DHCR7: variants seen among roughly 807,000 people sequenced by gnomAD.
DHCR7 encodes the protein 7-dehydrocholesterol reductase.
In DHCR7, 40 loss-of-function variants were observed where a neutral mutation model predicts 43.3. The observed-to-expected ratio is 0.92, with a 90% CI of 0.72 to 1.20. The LOEUF (loss-of-function observed/expected upper bound fraction) is 1.20. DHCR7 is among the 50% of genes most tolerant of loss of function. The pLI, the probability that DHCR7 is intolerant of heterozygous loss-of-function variation, is 0.00. For missense variants in DHCR7, 608 were observed against 644.6 expected (o/e 0.94, Z 0.62); for synonymous variants, 298 against 271.4 (o/e 1.10, Z -0.96).
chr11:71,429,000 G>C (rs1387424448), intron 2 of DHCR7: 1 of 361,498 alleles, frequency 2.8e-6, no homozygotes, highest in Non-Finnish European at 5.4e-6. Flanking sequence ...TCAGGGGTAG[G>C]AAGAAGTGAG....
intron 2 of DHCR7, among the ~76,000 whole-genome samples, chr11:71,429,070 C>G (rs1949215239): frequency 6.6e-6 from 1 of 152,206 alleles, no homozygotes; most frequent in Admixed American, 6.5e-5. Flanking sequence ...GTGTTGCAAA[C>G]AGTTCTGCAA....
chr11:71,437,615 A>T (rs1949298471), intron 8 of DHCR7, among the ~76,000 whole-genome samples, 197 bp downstream of exon 8: 2 of 152,166 alleles, frequency 1.3e-5, no homozygotes, highest in African/African-American at 4.8e-5. Flanking sequence ...TACTTTGCAG[A>T]TGTTAGGGAC....
chr11:71,435,649 G>A lies in DHCR7; in HGVS notation c.1154C>T (p.Ala385Val), dbSNP rs12577137. Residue 385 changes from alanine (A) to valine (V), a missense_variant, in exon 9 of 9, where the codon GCC (alanine) becomes GTC (valine). Physicochemically the swap from Ala to Val is moderately conservative, Grantham distance 64 (BLOSUM62 0). Coordinates refer to ENST00000355527, the MANE Select transcript of DHCR7 (RefSeq NM_001360.3). ...CTTGCTGTGGTGCCTCTGCCCATCGGCGGATGTGTAGGAGCACTCGATGAC... is the reference window on the plus strand; with the variant it reads ...CTTGCTGTGGTGCCTCTGCCCATCGACGGATGTGTAGGAGCACTCGATGAC... ...PKVIECSYTS[A>V]DGQRHHSKLL... The A allele has an allele frequency of 1.2e-6, 2 of 1,612,818 alleles. No homozygotes were observed. Among genetic ancestry groups the A allele is most frequent in the Middle Eastern group, 1.6e-4 (1 of 6,062 alleles).
chr11:71,440,598 G>A (rs1046632781), intron 6 of DHCR7, among the ~76,000 whole-genome samples: 4 of 151,600 alleles, frequency 2.6e-5, no homozygotes, highest in African/African-American at 9.7e-5. Flanking sequence ...GTAGATGGAT[G>A]GATGATGGGT....
At chr11:71,438,624 C>A in intron 7 of DHCR7, 1 of 572,072 alleles carries the variant, frequency 1.7e-6, no homozygotes, top group East Asian at 3.0e-5. Context: ...GTGTAATCCC[C>A]AAGGGAGACC....
chr11:71,444,294 G>A (rs1206563423), intron 3 of DHCR7, 79 bp from the exon 4 acceptor site: 1 of 1,248,450 alleles, frequency 8.0e-7, no homozygotes, highest in African/African-American at 1.5e-5. Flanking sequence ...GCTCTGTGTG[G>A]GAGAACTGTT....
chr11:71,441,437 A>T lies in DHCR7; in HGVS notation c.416T>A (p.Val139Asp). Residue 139 changes from valine (V) to aspartate (D), a missense_variant, in exon 6 of 9, where the codon GTT (valine) becomes GAT (aspartate). Val to Asp is a radical substitution (Grantham distance 152, BLOSUM62 -3). Coordinates refer to ENST00000355527, the MANE Select transcript of DHCR7 (RefSeq NM_001360.3). ...IQEGAVTPAG[V>D]VNKYQINGLQ... ...GCCATTGATCTGATACTTGTTCACA[A>T]CCCCTGCAGATGAAGGATTCAGAAA... 6.2e-7 allele frequency: 1 copy of T among 1,611,120 alleles called. No individual in the cohort carries two copies. Among genetic ancestry groups the T allele is most frequent in the Non-Finnish European group, 8.5e-7 (1 of 1,178,272 alleles).
At chr11:71,442,948 G>T (rs1040766430) in intron 4 of DHCR7, among the ~76,000 whole-genome samples, 1 of 152,148 alleles carries the variant, frequency 6.6e-6, no homozygotes, top group African/African-American at 2.4e-5. Context: ...TCCAATCTCC[G>T]GTCACTCTGA....
At chr11:71,443,926 G>T in intron 4 of DHCR7, 67 bp downstream of exon 4, 2 of 1,300,368 alleles carry the variant, frequency 1.5e-6, no homozygotes, top group South Asian at 1.4e-5. Context: ...CAAATGGAAG[G>T]ACTACCCCAG....
intron 8 of DHCR7, among the ~76,000 whole-genome samples, 167 bp downstream of exon 8, chr11:71,437,645 T>C (rs973206454): frequency 1.3e-5 from 2 of 152,218 alleles, no homozygotes; most frequent in African/African-American, 2.4e-5. Context: ...GCCACCTCCC[T>C]GGCTGCTGGC....
At chr11:71,442,228 C>A in intron 5 of DHCR7, 35 bp downstream of exon 5, 1 of 1,507,980 alleles carries the variant, frequency 6.6e-7, no homozygotes, top group African/African-American at 1.4e-5. Flanking sequence ...GGGATGAGAA[C>A]GGGAGCCTGG....
At chr11:71,427,977 T>C (rs1484158799), downstream of DHCR7, among the ~76,000 whole-genome samples, 1 of 152,184 alleles carries the variant, frequency 6.6e-6, no homozygotes, top group African/African-American at 2.4e-5. Flanking sequence ...CACAGTGACC[T>C]GCTCTTATCA....
intron 6 of DHCR7, 36 bp downstream of exon 6, chr11:71,441,191 T>C (rs749969848): frequency 3.7e-6 from 6 of 1,605,798 alleles, no homozygotes; most frequent in Non-Finnish European, 5.1e-6. Flanking sequence ...AGTTTGCACT[T>C]TCTACATCAG....
intron 4 of DHCR7, among the ~76,000 whole-genome samples, chr11:71,443,653 G>GT (rs2135946638): frequency 6.6e-6 from 1 of 152,264 alleles, no homozygotes; most frequent in East Asian, 1.9e-4. Flanking sequence ...GGTGCAAGGC[G>GT]TGACTCCTGC....
chr11:71,428,856 C>T (rs959341957), intron 2 of DHCR7: 2 of 456,160 alleles, frequency 4.4e-6, no homozygotes, highest in Admixed American at 2.3e-5. Context: ...TTCTCATCTG[C>T]AAGGCAAGTC....
intron 2 of DHCR7, among the ~76,000 whole-genome samples, chr11:71,446,252 T>C (rs1949401787): frequency 4.6e-5 from 3 of 65,158 alleles, no homozygotes; most frequent in Non-Finnish European, 3.4e-5. Flanking sequence ...ATAGAAACCT[T>C]ACCAAATGAA....
chr11:71,444,760 G>A (rs1949388510), intron 3 of DHCR7, 95 bp downstream of exon 3: 1 of 1,074,138 alleles, frequency 9.3e-7, no homozygotes, highest in Non-Finnish European at 1.4e-6. Context: ...TTTTAAAAAG[G>A]TCCTTCATTC....
At chr11:71,438,475 A>C (rs1949313254) in intron 7 of DHCR7, among the ~76,000 whole-genome samples, 1 of 152,046 alleles carries the variant, frequency 6.6e-6, no homozygotes, top group South Asian at 2.1e-4. Flanking sequence ...GAGCTCCTGA[A>C]CGCTCTCTGG....
At chr11:71,440,719 G>C (rs1485974897) in intron 6 of DHCR7, among the ~76,000 whole-genome samples, 17 of 150,916 alleles carry the variant, frequency 1.1e-4, no homozygotes, top group Non-Finnish European at 1.9e-4. Flanking sequence ...GAATGGGTAG[G>C]GGGGTGGATG....
Sources: gnomAD v4.1 joint callset for allele counts (sites outside exome capture counted in the v4.1 genomes callset) on GRCh38, gnomAD v4.1.1 for gene constraint, MANE v1.5 for transcripts, NCBI Gene and HGNC (gene_info 2026-07-23, HGNC 2026-07-21) for gene names.